PAPLN: variants seen among roughly 807,000 people sequenced by gnomAD.
The protein encoded by PAPLN is papilin.
In PAPLN, 146 loss-of-function variants were observed where a neutral mutation model predicts 159.0. That is an observed-to-expected ratio of 0.92 (90% CI 0.80 to 1.05). The LOEUF is 1.05. PAPLN is among the 50% of genes least tolerant of loss of function. The pLI is 0.00. For synonymous variants in PAPLN, 734 were observed against 702.9 expected, an observed-to-expected ratio of 1.04 and a Z score of -0.70; for missense variants, 1,720 against 1,743.9, an observed-to-expected ratio of 0.99 and a Z score of 0.24.
At position 73,261,205 on chromosome 14, in the gene PAPLN, G is replaced by A. The variant is rs752022220; in HGVS notation, c.2156G>A (p.Cys719Tyr). 8 of 1,613,938 alleles carry A rather than the reference G, an allele frequency of 5.0e-6. No homozygotes were observed. In the African/African-American group the frequency reaches 1.1e-4, roughly 22 times the overall value. The change falls in exon 18 of 27, where the codon TGC becomes TAC. Residue 719 changes from cysteine to tyrosine, a missense_variant. Coordinates refer to ENST00000644200, the MANE Select transcript of PAPLN (RefSeq NM_001365906.3). ...PQAQQNEPSE[C>Y]RGSQFGCCYD... is the part of the protein sequence containing the mutation. ...GCCCAGCAGAATGAGCCCAGTGAGT[G>A]CCGGGGCTCCCAGTTTGGCTGTTGC...
At chr14:73,246,273 T>A (rs938255610) in intron 5 of PAPLN, 98 bp downstream of exon 5, 1 of 1,014,150 alleles carries the variant, frequency 9.9e-7, no homozygotes, top group Non-Finnish European at 1.4e-6. Flanking sequence ...GTCATATATA[T>A]ATATATTAGA....
At chr14:73,236,136 G>C (rs1883024848), upstream of PAPLN, among the ~76,000 whole-genome samples, 1 of 149,988 alleles carries the variant, frequency 6.7e-6, no homozygotes, top group Admixed American at 6.7e-5. Flanking sequence ...TCCAGGACCA[G>C]TTTCTAAAGA....
At chr14:73,261,616 G>A (rs1004480858) in intron 18 of PAPLN, among the ~76,000 whole-genome samples, 1 of 152,228 alleles carries the variant, frequency 6.6e-6, no homozygotes, top group Non-Finnish European at 1.5e-5. Flanking sequence ...AGTTAGTGCC[G>A]GGATGGGCAG....
rs1160083548 is a variant in PAPLN at position 73,262,432 on chromosome 14, G to C, written c.2328G>C (p.Val776=). Residue 776 remains valine, a synonymous_variant, in exon 19 of 27, where the codon GTG becomes GTC. Coordinates refer to ENST00000644200, the MANE Select transcript of PAPLN (RefSeq NM_001365906.3). ...WAARWYFVAS[V]GQCNRFWYGG... The stretch of plus-strand genomic sequence containing the variant: ...CCCGCTGGTACTTCGTTGCCTCTGT[G>C]GGCCAATGTAACCGCTTCTGGTATG... 1 of 1,613,804 alleles carries C rather than the reference G, an allele frequency of 6.2e-7. No homozygotes were observed. The highest frequency in any genetic ancestry group is 1.7e-5 in the Admixed American group (1 of 59,968).
At chr14:73,254,768 C>T in intron 13 of PAPLN, 73 bp downstream of exon 13, 10 of 1,592,790 alleles carry the variant, frequency 6.3e-6, no homozygotes, top group Non-Finnish European at 8.6e-6. Flanking sequence ...GAGCGCCGTC[C>T]TTGGACCTGA....
intron 18 of PAPLN, chr14:73,262,134 G>T: frequency 3.8e-6 from 2 of 520,942 alleles, no homozygotes; most frequent in Admixed American, 7.1e-5. Context: ...GTGGGTGAAG[G>T]CTGCTGTGGC....
intron 26 of PAPLN, among the ~76,000 whole-genome samples, chr14:73,270,103 G>A (rs556910592): frequency 3.3e-5 from 5 of 152,224 alleles, no homozygotes; most frequent in Non-Finnish European, 7.3e-5. Context: ...GCGAGCGGGA[G>A]GGAGGGTTAC....
chr14:73,257,409 C>CA (rs1555363027), intron 14 of PAPLN, among the ~76,000 whole-genome samples: 2 of 33,720 alleles, frequency 5.9e-5, no homozygotes, highest in Non-Finnish European at 1.5e-4. Flanking sequence ...GGCATTATTT[C>CA]AGGGGGGGTC....
intron 2 of PAPLN, chr14:73,244,413 C>T (rs771330198): frequency 2.7e-5 from 13 of 473,384 alleles, no homozygotes; most frequent in Non-Finnish European, 4.1e-5. Context: ...CTCCTGCTCC[C>T]GCCCTCCAGG....
intron 5 of PAPLN, among the ~76,000 whole-genome samples, chr14:73,249,384 C>A (rs932644106): frequency 1.3e-5 from 2 of 152,098 alleles, no homozygotes; most frequent in Non-Finnish European, 2.9e-5. Flanking sequence ...TAAAGAGTAG[C>A]CTGTTATGGC....
chr14:73,244,784 C>G (rs1884010888), intron 3 of PAPLN, 25 bp downstream of exon 3: 1 of 1,493,864 alleles, frequency 6.7e-7, no homozygotes, highest in Non-Finnish European at 9.0e-7. Flanking sequence ...AATGGGCCAG[C>G]TTGTTAAAGC....
rs141956242 is a variant in PAPLN, at chr14:73,272,077, G to A, written c.3668-418G>A. ...CAGCAGAGAAAGGGAAAAGATAAGAGCTCTTGCTAACTCAAAATTTTACTT... is the reference window on the plus strand; with the variant it reads ...CAGCAGAGAAAGGGAAAAGATAAGAACTCTTGCTAACTCAAAATTTTACTT... On this transcript the variant is annotated intron_variant, in intron 26 of 26. Coordinates refer to ENST00000644200, the MANE Select transcript of PAPLN (RefSeq NM_001365906.3). 362 of 155,558 alleles carry A rather than the reference G, an allele frequency of 2.3e-3. 3 individuals are homozygous for A. Among genetic ancestry groups the A allele is most frequent in the African/African-American group, 8.2e-3 (342 of 41,716 alleles). The allele number at this position is 155,558 out of a possible 1,614,324, so 9.6% of individuals were successfully genotyped here.
At chr14:73,264,844 C>A in intron 22 of PAPLN, 118 bp downstream of exon 22, 2 of 1,496,860 alleles carry the variant, frequency 1.3e-6, no homozygotes, top group Admixed American at 2.3e-5. Context: ...CTGCTCAGGG[C>A]TCTGGGAGGC....
At chr14:73,270,732 C>G (rs1483718130) in intron 26 of PAPLN, among the ~76,000 whole-genome samples, 1 of 152,218 alleles carries the variant, frequency 6.6e-6, no homozygotes, top group Non-Finnish European at 1.5e-5. Context: ...GAGAAACTTG[C>G]CTGATACCTG....
chr14:73,260,684 G>T, intron 16 of PAPLN, 25 bp from the exon 17 acceptor site: 1 of 1,436,940 alleles, frequency 7.0e-7, no homozygotes, highest in South Asian at 1.7e-5. Flanking sequence ...GCTGGGCAGT[G>T]AGGGGCTGTG....
intron 5 of PAPLN, among the ~76,000 whole-genome samples, chr14:73,248,109 G>A (rs554064040): frequency 1.5e-4 from 17 of 116,666 alleles, no homozygotes; most frequent in African/African-American, 4.7e-4. Flanking sequence ...GTGTGTGTGC[G>A]CGTGTGTGTG....
chr14:73,245,192 GGAGTA>G lies in PAPLN; in HGVS notation c.170+435_171-438del, dbSNP rs1884073036. The G allele has an allele frequency of 4.8e-6, 1 of 208,730 alleles. No individual in the cohort carries two copies. The allele number at this position is 208,730 out of a possible 1,614,324, so 12.9% of individuals were successfully genotyped here. On this transcript the variant is annotated intron_variant, in intron 3 of 26. Transcript: ENST00000644200. This position sits in a 1 kb window ranked among gnomAD's most constrained non-coding sequence, Gnocchi z 4.2. The stretch of plus-strand genomic sequence containing the variant: ...TCAGTGGAGAAGGTGGGGCACAGAA[GGAGTA>G]GTGAGGTGCCTCTGTCCCGGTTTGT...
intron 15 of PAPLN, 80 bp from the exon 16 acceptor site, chr14:73,259,189 G>T (rs998436848): frequency 2.3e-5 from 35 of 1,523,876 alleles, no homozygotes; most frequent in Non-Finnish European, 2.9e-5. Context: ...GGGGACGGAG[G>T]AAGGTGGGTC....
Position 73,251,802 on chromosome 14 carries a change from C to T in PAPLN, c.809C>T (p.Ala270Val). 6.2e-7 allele frequency: 1 copy of T among 1,601,704 alleles called. No homozygotes were observed. The highest frequency in any genetic ancestry group is 2.2e-5 in the East Asian group (1 of 44,780). The part of the protein sequence containing the change: ...EGDLAPERLH[A>V]RGPTSEPLVI... ...GACCTGGCCCCTGAGCGACTCCATG[C>T]CCGGGGCCCCACCTCGGAGCCCCTG... Residue 270 changes from alanine (A) to valine (V), a missense_variant, in exon 9 of 27, where the codon GCC (alanine) becomes GTC (valine). Coordinates refer to ENST00000644200, the MANE Select transcript of PAPLN (RefSeq NM_001365906.3).
Sources: allele counts gnomAD v4.1 joint callset (sites outside exome capture counted in the v4.1 genomes callset), GRCh38; gene constraint gnomAD v4.1.1; non-coding constraint Gnocchi (gnomAD v3.1); transcripts MANE v1.5; gene names NCBI Gene and HGNC (gene_info 2026-07-23, HGNC 2026-07-21).